TMEM114: variants seen among roughly 807,000 people sequenced by gnomAD.
The protein encoded by TMEM114 is transmembrane protein 114.
In TMEM114, 6 loss-of-function variants were observed where a neutral mutation model predicts 6.2. The observed-to-expected ratio is 0.97, with a 90% confidence interval of 0.53 to 1.91. The LOEUF (loss-of-function observed/expected upper bound fraction) is 1.91, where lower values mean the gene tolerates loss of function less well. Ranked by LOEUF, TMEM114 falls within the 40% of genes most tolerant of loss-of-function variation. The pLI, the probability that TMEM114 is intolerant of heterozygous loss-of-function variation, is 0.01. For missense variants in TMEM114, 218 were observed against 158.3 expected, an observed-to-expected ratio of 1.38 and a Z score of -2.02; for synonymous variants, 104 against 73.0, an observed-to-expected ratio of 1.42 and a Z score of -2.16.
intron 2 of TMEM114, among the ~76,000 whole-genome samples, chr16:8,574,446 C>T (rs749407679): frequency 2.0e-5 from 3 of 152,160 alleles, no homozygotes; most frequent in Non-Finnish European, 4.4e-5. Context: ...TTCAGTCCCT[C>T]AATTGGCACT....
At chr16:8,567,171 A>G (rs1280307890), downstream of TMEM114, among the ~76,000 whole-genome samples, 2 of 152,052 alleles carry the variant, frequency 1.3e-5, no homozygotes, top group Middle Eastern at 6.8e-3. Flanking sequence ...GGCATCCCAA[A>G]GTGCTGGGAT....
intron 2 of TMEM114, among the ~76,000 whole-genome samples, chr16:8,560,383 C>G (rs1901160897): frequency 1.3e-5 from 2 of 152,064 alleles, no homozygotes; most frequent in African/African-American, 4.8e-5. Flanking sequence ...GCATCCTCTC[C>G]TTGGACAGTG....
At chr16:8,547,434 C>G (rs1415398104) in intron 2 of TMEM114, among the ~76,000 whole-genome samples, 1 of 150,628 alleles carries the variant, frequency 6.6e-6, no homozygotes, top group African/African-American at 2.5e-5. Flanking sequence ...GCTCTGTCAC[C>G]CAGGCTGGAG....
At chr16:8,583,113 G>A (rs1290357164) in intron 2 of TMEM114, among the ~76,000 whole-genome samples, 4 of 152,198 alleles carry the variant, frequency 2.6e-5, no homozygotes, top group African/African-American at 9.6e-5. Context: ...CTCTTGGGCT[G>A]TTGTGAAGAT....
chr16:8,573,192 C>T (rs1373174210), intron 2 of TMEM114, among the ~76,000 whole-genome samples: 8 of 152,236 alleles, frequency 5.3e-5, no homozygotes, highest in South Asian at 2.1e-4. Context: ...AGAGAACTAA[C>T]GGGGACACTG....
At chr16:8,580,524 A>G (rs1207904469) in intron 2 of TMEM114, among the ~76,000 whole-genome samples, 1 of 151,540 alleles carries the variant, frequency 6.6e-6, no homozygotes, top group Non-Finnish European at 1.5e-5. Context: ...AAAAAAAGGA[A>G]ACAAGACCCT....
intron 2 of TMEM114, among the ~76,000 whole-genome samples, chr16:8,575,859 G>A (rs1270702270): frequency 1.3e-5 from 2 of 152,158 alleles, no homozygotes; most frequent in African/African-American, 2.4e-5. Flanking sequence ...AAACCTTTTG[G>A]TAATGTGGAA....
downstream of TMEM114, among the ~76,000 whole-genome samples, chr16:8,565,244 C>T (rs904000883): frequency 2.6e-5 from 4 of 152,080 alleles, no homozygotes; most frequent in African/African-American, 9.7e-5. Context: ...AAGCATGGGA[C>T]AGGTATAAGC....
intron 2 of TMEM114, among the ~76,000 whole-genome samples, chr16:8,540,203 A>G (rs1302715077): frequency 2.0e-5 from 3 of 152,198 alleles, no homozygotes; most frequent in Non-Finnish European, 4.4e-5. Context: ...TCAAATTGCT[A>G]TAAATATATA....
chr16:8,573,386 A>C (rs746842837), intron 2 of TMEM114, among the ~76,000 whole-genome samples: 42 of 152,204 alleles, frequency 2.8e-4, no homozygotes, highest in Non-Finnish European at 5.0e-4. Context: ...AAGCCCAAAC[A>C]GTCAAAGATA....
rs146024340 is a variant in TMEM114, at chr16:8,582,292, GA to G, written c.301+6920del. On this transcript the variant is annotated intron_variant, in intron 2 of 3. Transcript: ENST00000620492. ...GGAGACACAGCTGAGGTAAGACATA[GA>G]AAAAAAAAACAGGAAGTGCTCTGAA... 2.1e-3 allele frequency among the ~76,000 whole-genome samples: 307 copies of G among 147,478 alleles called. 1 individual carries two copies. The highest frequency in any genetic ancestry group is 3.6e-3 in the African/African-American group (145 of 40,322).
chr16:8,537,227 A>G (rs969890730), downstream of TMEM114, among the ~76,000 whole-genome samples: 1 of 151,822 alleles, frequency 6.6e-6, no homozygotes, highest in Non-Finnish European at 1.5e-5. Flanking sequence ...CAGGCCAGGC[A>G]TGGTGGCTCA....
chr16:8,574,582 C>CTTCCTTCCTTCTTTCTTTCTTTCTTTCT (rs140621744), intron 2 of TMEM114, among the ~76,000 whole-genome samples: 1 of 142,462 alleles, frequency 7.0e-6, no homozygotes, highest in Non-Finnish European at 1.5e-5. Flanking sequence ...TCCTTCCTTC[C>CTTCCTTCCTTCTTTCTTTCTTTCTTTCT]TTCTTTCTTT....
intron 2 of TMEM114, among the ~76,000 whole-genome samples, chr16:8,582,903 A>AGGAAGGGCAGGGAAGAGCAG (rs1168102994): frequency 1.3e-5 from 2 of 151,974 alleles, no homozygotes; most frequent in Non-Finnish European, 2.9e-5. Flanking sequence ...GAAAAGAGAA[A>AGGAAGGGCAGGGAAGAGCAG]GGAAGGGCAG....
downstream of TMEM114, among the ~76,000 whole-genome samples, chr16:8,565,616 G>T (rs13334339): frequency 0.55 from 83,651 of 151,918 alleles, 23,251 homozygotes; most frequent in East Asian, 0.74. Flanking sequence ...ACCTCCACCT[G>T]CTCCGAGTTC....
intron 2 of TMEM114, among the ~76,000 whole-genome samples, chr16:8,562,566 G>GAGGAAATAAGTA (rs1410558980): frequency 3.3e-5 from 5 of 150,330 alleles, no homozygotes; most frequent in Non-Finnish European, 3.0e-5. Context: ...GTCAATGAGT[G>GAGGAAATAAGTA]AGTGAATGAG....
chr16:8,563,101 G>A (rs1295793048), intron 2 of TMEM114, among the ~76,000 whole-genome samples: 2 of 150,586 alleles, frequency 1.3e-5, no homozygotes, highest in Middle Eastern at 3.6e-3. Context: ...GAGGGAGGGA[G>A]GGAATGAGTG....
At chr16:8,586,977 TG>T (rs1902341903) in intron 2 of TMEM114, among the ~76,000 whole-genome samples, 2 of 152,166 alleles carry the variant, frequency 1.3e-5, no homozygotes, top group Non-Finnish European at 2.9e-5. Context: ...AGTGGTGTGC[TG>T]GAGCTGACTC....
intron 2 of TMEM114, among the ~76,000 whole-genome samples, chr16:8,575,622 C>A (rs904739419): frequency 2.6e-5 from 4 of 152,192 alleles, no homozygotes; most frequent in African/African-American, 9.7e-5. Flanking sequence ...AGCTGAGGGT[C>A]TGTAGGCAAG....
Sources: allele counts gnomAD v4.1 joint callset (sites outside exome capture counted in the v4.1 genomes callset), GRCh38; gene constraint gnomAD v4.1.1; transcripts MANE v1.5; gene names NCBI Gene and HGNC (gene_info 2026-07-23, HGNC 2026-07-21).